CFAP20DC: variants seen among roughly 807,000 people sequenced by gnomAD.
CFAP20DC encodes the protein protein CFAP20DC.
A neutral mutation model predicts 101.7 loss-of-function variants in CFAP20DC; 84 were observed. The observed-to-expected ratio is 0.83, with a 90% CI of 0.69 to 0.99. The LOEUF (loss-of-function observed/expected upper bound fraction) is 0.99. Ranked by LOEUF, CFAP20DC falls within the 50% of genes least tolerant of loss-of-function variation. CFAP20DC has a pLI of 0.00. For missense variants in CFAP20DC, 1,007 were observed against 970.3 expected, an observed-to-expected ratio of 1.04 and a Z score of -0.50; for synonymous variants, 359 against 351.2, an observed-to-expected ratio of 1.02 and a Z score of -0.25.
chr3:58,885,032 T>C (rs2081506700), intron 6 of CFAP20DC, among the ~76,000 whole-genome samples: 1 of 152,162 alleles, frequency 6.6e-6, no homozygotes, highest in Non-Finnish European at 1.5e-5. Flanking sequence ...GAGAACTAGT[T>C]AGGTATGTGC....
intron 4 of CFAP20DC, among the ~76,000 whole-genome samples, chr3:58,958,412 G>C (rs114470771): frequency 8.7e-4 from 133 of 152,188 alleles, no homozygotes; most frequent in Non-Finnish European, 1.4e-3. Context: ...ACATTTTGTT[G>C]ATCTATTCAC....
chr3:58,921,432 C>T (rs1175422467), intron 5 of CFAP20DC, among the ~76,000 whole-genome samples: 1 of 152,002 alleles, frequency 6.6e-6, no homozygotes, highest in African/African-American at 2.4e-5. Context: ...TTTTGGTGTG[C>T]TTTATTTTCA....
intron 5 of CFAP20DC, among the ~76,000 whole-genome samples, chr3:58,929,136 C>T (rs557146757): frequency 1.8e-4 from 27 of 152,274 alleles, no homozygotes; most frequent in Non-Finnish European, 3.5e-4. Flanking sequence ...TATGAAAGAC[C>T]TTTCAGTCAA....
chr3:59,036,476 C>T (rs1454958132), intron 4 of CFAP20DC, among the ~76,000 whole-genome samples: 1 of 152,192 alleles, frequency 6.6e-6, no homozygotes, highest in Non-Finnish European at 1.5e-5. Flanking sequence ...GTGCAAAAAT[C>T]ATAAGCACTC....
chr3:58,929,452 A>G (rs948274234), intron 5 of CFAP20DC, among the ~76,000 whole-genome samples: 1 of 152,250 alleles, frequency 6.6e-6, no homozygotes, highest in African/African-American at 2.4e-5. Context: ...AGAATCTTAC[A>G]TGAATAAGGA....
At chr3:58,866,059 G>C (rs760864428) in intron 11 of CFAP20DC, among the ~76,000 whole-genome samples, 1 of 152,180 alleles carries the variant, frequency 6.6e-6, no homozygotes, top group African/African-American at 2.4e-5. Context: ...TCAGATTTAT[G>C]CTAGAGACAC....
intron 16 of CFAP20DC, among the ~76,000 whole-genome samples, chr3:58,743,581 C>T (rs1202557419): frequency 1.3e-5 from 2 of 152,186 alleles, no homozygotes; most frequent in Non-Finnish European, 2.9e-5. Context: ...TATGTGCTCA[C>T]CAGGGTGAGC....
chr3:58,867,935 T>G lies in CFAP20DC; in HGVS notation c.1017A>C (p.Ala339=). The G allele has an allele frequency of 6.2e-7, 1 of 1,604,792 alleles. No individual in the cohort carries two copies. Among genetic ancestry groups the G allele is most frequent in the Non-Finnish European group, 8.5e-7 (1 of 1,176,176 alleles). ...GCGGATGCATAATATGTAGATTGGCTGCTACATTTTCATATCAAAGCACAA... is the reference window on the plus strand; with the variant it reads ...GCGGATGCATAATATGTAGATTGGCGGCTACATTTTCATATCAAAGCACAA... ...HQIKQTVPIH[A]ANLHIMHPHP... The change falls in exon 10 of 17, where the codon GCA becomes GCC. Residue 339 remains alanine, a splice_region_variant and synonymous_variant. Transcript: ENST00000482387.
rs2082322208 is a variant in CFAP20DC, at chr3:58,892,347, T to C, written c.551-7638A>G. On this transcript the variant is annotated intron_variant, in intron 6 of 16. Transcript: ENST00000482387. The surrounding 1 kb of genome is among the most constrained non-coding windows in gnomAD (Gnocchi z 4.0). The stretch of plus-strand genomic sequence containing the variant: ...TTTTGGTTCCACATGAATTTTAAAG[T>C]AGTTTCTTTCTAATTCTGTGAAGAA... Among the ~76,000 whole-genome samples, 1 of 152,236 alleles carries C rather than the reference T, an allele frequency of 6.6e-6. No individual in the cohort carries two copies. Among genetic ancestry groups the C allele is most frequent in the African/African-American group, 2.4e-5 (1 of 41,452 alleles).
chr3:58,780,039 G>A (rs747314202), intron 15 of CFAP20DC, among the ~76,000 whole-genome samples: 6 of 152,092 alleles, frequency 3.9e-5, no homozygotes, highest in Admixed American at 1.3e-4. Flanking sequence ...TACAGGCCAG[G>A]AGAGAATGGG....
Position 58,863,471 on chromosome 3 carries a change from C to T in CFAP20DC, c.1593+87G>A, listed in dbSNP as rs947609654. On this transcript the variant is annotated intron_variant, in intron 12 of 16. Coordinates refer to ENST00000482387, the MANE Select transcript of CFAP20DC (RefSeq NM_001394063.1). This position sits in a 1 kb window ranked among gnomAD's most constrained non-coding sequence, Gnocchi z 5.9. ...TTTTTATAAATAGCAGTTGATTTTC[C>T]CTCTTTCATTTCAACTTGTTTTAGT... is the stretch of plus-strand genomic sequence containing the variant. The T allele has an allele frequency of 1.3e-6, 2 of 1,533,354 alleles. No homozygotes were observed. The highest frequency in any genetic ancestry group is 1.8e-6 in the Non-Finnish European group (2 of 1,141,614). The allele number at this position is 1,533,354 out of a possible 1,614,324, so 95.0% of individuals were successfully genotyped here.
chr3:58,924,281 A>G (rs2085709502), intron 5 of CFAP20DC, among the ~76,000 whole-genome samples: 1 of 152,018 alleles, frequency 6.6e-6, no homozygotes, highest in Non-Finnish European at 1.5e-5. Context: ...TTCTCTCCAT[A>G]TGTACATGTG....
intron 4 of CFAP20DC, among the ~76,000 whole-genome samples, chr3:59,010,457 G>C (rs77405072): frequency 6.6e-6 from 1 of 151,994 alleles, no homozygotes; most frequent in Non-Finnish European, 1.5e-5. Flanking sequence ...GTAAAAAAAG[G>C]CAATAAGGGA....
intron 6 of CFAP20DC, among the ~76,000 whole-genome samples, chr3:58,898,335 C>T (rs368523063): frequency 7.9e-5 from 12 of 152,070 alleles, no homozygotes; most frequent in Admixed American, 2.6e-4. Flanking sequence ...TCAGCATGCC[C>T]GGCTAATTTT....
At chr3:58,872,120 G>A (rs1461281575) in intron 7 of CFAP20DC, among the ~76,000 whole-genome samples, 1 of 152,186 alleles carries the variant, frequency 6.6e-6, no homozygotes, top group Non-Finnish European at 1.5e-5. Flanking sequence ...GCCTTTAACT[G>A]AAAACACTGC....
intron 14 of CFAP20DC, among the ~76,000 whole-genome samples, chr3:58,828,687 C>T (rs1461108390): frequency 1.3e-5 from 2 of 151,988 alleles, no homozygotes; most frequent in Admixed American, 6.6e-5. Flanking sequence ...GAAAAAGTAA[C>T]TATTGGGTAC....
intron 12 of CFAP20DC, among the ~76,000 whole-genome samples, chr3:58,854,609 A>G (rs2078588757): frequency 6.6e-6 from 1 of 152,196 alleles, no homozygotes; most frequent in Non-Finnish European, 1.5e-5. Flanking sequence ...CAGTAACCAA[A>G]ACAGCATGGT....
Position 58,849,084 on chromosome 3 carries a change from G to C in CFAP20DC, c.1919C>G (p.Thr640Ser). The C allele has an allele frequency of 6.5e-7, 1 of 1,536,088 alleles. No homozygotes were observed. Among genetic ancestry groups the C allele is most frequent in the Non-Finnish European group, 8.7e-7 (1 of 1,146,904 alleles). The change falls in exon 13 of 17, where the codon ACC becomes AGC. Residue 640 changes from threonine to serine, a missense_variant. Physicochemically the swap from Thr to Ser is moderately conservative, Grantham distance 58. Transcript: ENST00000482387. ...TTCCCCTGAGATTTCTTTCAGGGAG[G>C]TTTTGTTTAGTGAAGCTGGCACTTG... ...AQQVPASLNK[T>S]SLKEISGERL...
chr3:58,994,661 C>T (rs961516811), intron 4 of CFAP20DC, among the ~76,000 whole-genome samples: 24 of 152,036 alleles, frequency 1.6e-4, no homozygotes, highest in African/African-American at 5.8e-4. Flanking sequence ...CTAGACACCT[C>T]CAATCATCAA....
Sources: gnomAD v4.1 joint callset for allele counts (sites outside exome capture counted in the v4.1 genomes callset) on GRCh38, gnomAD v4.1.1 for gene constraint, Gnocchi (gnomAD v3.1) non-coding constraint, MANE v1.5 for transcripts, NCBI Gene and HGNC (gene_info 2026-07-23, HGNC 2026-07-21) for gene names.